Variants in BICRA observed in about 807,000 individuals in gnomAD.
BICRA encodes BRD4-interacting chromatin-remodeling complex-associated protein.
In BICRA, 31 loss-of-function variants were observed where a neutral mutation model predicts 96.9. That is an observed-to-expected ratio of 0.32 (90% CI 0.24 to 0.43). The LOEUF (loss-of-function observed/expected upper bound fraction) is 0.43, where lower values mean the gene tolerates loss of function less well. BICRA is among the 20% of genes least tolerant of loss of function. The probability of loss-of-function intolerance (pLI) is 1.00; values close to 1 mark genes in which losing one functional copy is unlikely to be tolerated. For synonymous variants in BICRA, 1,350 were observed against 1,071.8 expected (o/e 1.26, Z -5.07); for missense variants, 2,283 against 2,190.3 (o/e 1.04, Z -0.84).
intron 1 of BICRA, among the ~76,000 whole-genome samples, chr19:47,669,781 C>T (rs1406891099): frequency 6.6e-6 from 1 of 152,004 alleles, no homozygotes; most frequent in African/African-American, 2.4e-5. Flanking sequence ...CTCAGCCTCC[C>T]GAGTAGCTGG....
At chr19:47,658,631 CAAAAAAAAAA>C (rs3074083) in intron 1 of BICRA, among the ~76,000 whole-genome samples, 35 of 97,430 alleles carry the variant, frequency 3.6e-4, no homozygotes, top group Non-Finnish European at 4.1e-4. Flanking sequence ...GACTTCGTCT[CAAAAAAAAAA>C]AAAAAAAAAA....
At chr19:47,668,738 C>T (rs148096173) in intron 1 of BICRA, among the ~76,000 whole-genome samples, 330 of 152,176 alleles carry the variant, frequency 2.2e-3, no homozygotes, top group African/African-American at 7.4e-3. Context: ...GTGATTTGCC[C>T]GCCTCAGCAT....
intron 1 of BICRA, among the ~76,000 whole-genome samples, chr19:47,621,201 A>G (rs1256749370): frequency 1.3e-5 from 2 of 152,126 alleles, no homozygotes; most frequent in Non-Finnish European, 2.9e-5. Context: ...CTAAGCAGCC[A>G]TCAGTTGTAA....
chr19:47,695,505 A>G (rs1973326152), intron 10 of BICRA, 31 bp downstream of exon 10: 1 of 1,020,244 alleles, frequency 9.8e-7, no homozygotes, highest in Non-Finnish European at 1.5e-6. Context: ...GGGTCAGGAC[A>G]GGACCAGGAG....
rs778886863 is a variant in BICRA, at chr19:47,679,606, G to A, written c.436G>A (p.Ala146Thr). Reference sequence around the variant, plus strand: ...GGATGGCGGGGCAGGCCCGACGGGCGCTGGAGGGGCAGCGGCCGTGGCTGC... The same window carrying A: ...GGATGGCGGGGCAGGCCCGACGGGCACTGGAGGGGCAGCGGCCGTGGCTGC... ...PADGGAGPTG[A>T]GGAAAVAAGP... The change falls in exon 6 of 15, where the codon GCT becomes ACT. Residue 146 changes from alanine to threonine, a missense_variant. Physicochemically the swap from Ala to Thr is moderately conservative, Grantham distance 58. Transcript: ENST00000594866. 11 of 1,526,250 alleles carry A rather than the reference G, an allele frequency of 7.2e-6. No individual in the cohort carries two copies. Among genetic ancestry groups the A allele is most frequent in the African/African-American group, 6.9e-5 (5 of 72,138 alleles). The allele number at this position is 1,526,250 out of a possible 1,614,324, so 94.5% of individuals were successfully genotyped here.
intron 1 of BICRA, among the ~76,000 whole-genome samples, chr19:47,634,756 ATT>A (rs57492096): frequency 2.6e-4 from 31 of 120,262 alleles, no homozygotes; most frequent in East Asian, 4.7e-4. Context: ...TTAAAATTAA[ATT>A]TTTTTTTTTT....
At chr19:47,624,809 T>G (rs1972116279) in intron 1 of BICRA, among the ~76,000 whole-genome samples, 1 of 151,594 alleles carries the variant, frequency 6.6e-6, no homozygotes. Flanking sequence ...TCCTCCAACC[T>G]CAGCTACCCG....
intron 7 of BICRA, among the ~76,000 whole-genome samples, chr19:47,688,415 G>T (rs907141747): frequency 1.3e-5 from 2 of 152,106 alleles, no homozygotes; most frequent in Admixed American, 1.3e-4. Context: ...TGCTCATTTA[G>T]AGAATGTAGA....
At chr19:47,656,835 T>C (rs1215825676) in intron 1 of BICRA, among the ~76,000 whole-genome samples, 2 of 152,064 alleles carry the variant, frequency 1.3e-5, no homozygotes, top group African/African-American at 4.8e-5. Context: ...TTTCCCCCAC[T>C]ATAAATCAGT....
chr19:47,701,332 G>C lies in BICRA; in HGVS notation c.3600G>C (p.Glu1200Asp). The C allele has an allele frequency of 1.2e-6, 2 of 1,609,728 alleles. No individual in the cohort carries two copies. The highest frequency in any genetic ancestry group is 1.7e-6 in the Non-Finnish European group (2 of 1,178,680). The change falls in exon 15 of 15, where the codon GAG becomes GAC. Residue 1200 changes from glutamate (E) to aspartate (D), a missense_variant. Coordinates refer to ENST00000594866, the MANE Select transcript of BICRA (RefSeq NM_001394372.1). This position sits in a 1 kb window ranked among gnomAD's most constrained non-coding sequence, Gnocchi z 5.4. ...TTCTTTGCCCCGATTCTGCAGACGA[G>C]TACGTGTCTTCCTCCCGCTCGCTCG... ...DKQLAKEKPD[E>D]YVSSSRSLGL...
chr19:47,627,232 A>G (rs188670080), intron 1 of BICRA, among the ~76,000 whole-genome samples: 149 of 152,178 alleles, frequency 9.8e-4, no homozygotes, highest in Admixed American at 3.3e-3. Context: ...TCAGAGAGCA[A>G]TATGTTCCTG....
intron 14 of BICRA, chr19:47,700,720 G>A (rs1047167303): frequency 2.0e-5 from 3 of 152,202 alleles, no homozygotes; most frequent in African/African-American, 7.3e-5. Flanking sequence ...CTTGAACCCA[G>A]GAGGCGGAGG....
intron 1 of BICRA, among the ~76,000 whole-genome samples, chr19:47,634,739 C>G (rs1171204003): frequency 6.6e-6 from 1 of 151,252 alleles, no homozygotes; most frequent in Non-Finnish European, 1.5e-5. Context: ...CAACTCTCTT[C>G]TCTCTCTTAA....
rs1342728146 is a variant in BICRA, at chr19:47,702,615, G to T, written c.*200G>T. The T allele has an allele frequency of 3.5e-6, 2 of 576,954 alleles. No homozygotes were observed. The highest frequency in any genetic ancestry group is 5.7e-6 in the Non-Finnish European group (2 of 348,708). 35.7% of individuals were successfully genotyped at this position (576,954 alleles called of 1,614,324 possible). A position where few individuals can be genotyped will look rare whatever the true frequency, so the allele number is the denominator to read the frequency against. On this transcript the variant is annotated 3_prime_UTR_variant, in exon 15 of 15. Coordinates refer to ENST00000594866, the MANE Select transcript of BICRA (RefSeq NM_001394372.1). ...GGGGGTGGGCGTGGATTTAGGGAGG[G>T]GGCTGTGATGTAAAACGTCTCCCCT... is the stretch of plus-strand genomic sequence containing the variant.
chr19:47,640,532 GAA>G lies in BICRA; in HGVS notation c.-107-29894_-107-29893del, dbSNP rs11292760. 7.1e-3 allele frequency among the ~76,000 whole-genome samples: 783 copies of G among 110,438 alleles called. 3 individuals carry two copies. Among genetic ancestry groups the G allele is most frequent in the Middle Eastern group, 0.026 (6 of 228 alleles). 72.5% of individuals were successfully genotyped at this position (110,438 alleles called of 152,430 possible). A position where few individuals can be genotyped will look rare whatever the true frequency, so the allele number is the denominator to read the frequency against. On this transcript the variant is annotated intron_variant, in intron 1 of 14. Transcript: ENST00000594866. ...GAGACAGAGTGAGACTGTCTCAAAA[GAA>G]AAAAAAAAAAAAAAAATCCCTGCCT...
intron 7 of BICRA, among the ~76,000 whole-genome samples, chr19:47,684,090 C>T (rs1973108783): frequency 6.6e-6 from 1 of 152,200 alleles, no homozygotes; most frequent in South Asian, 2.1e-4. Context: ...CAGCAGGTGC[C>T]TAGGCAGGCT....
intron 1 of BICRA, among the ~76,000 whole-genome samples, chr19:47,633,089 T>TA (rs1568551697): frequency 2.1e-5 from 3 of 144,758 alleles, no homozygotes; most frequent in Admixed American, 6.9e-5. Context: ...TCTTTTTTTT[T>TA]TTTTTTTTTT....
At chr19:47,644,309 G>A (rs1369959585) in intron 1 of BICRA, among the ~76,000 whole-genome samples, 1 of 151,972 alleles carries the variant, frequency 6.6e-6, no homozygotes, top group Non-Finnish European at 1.5e-5. Context: ...ACAGGTGTGA[G>A]CCACTGCACC....
chr19:47,685,235 C>G (rs1193345222), intron 7 of BICRA, among the ~76,000 whole-genome samples: 1 of 152,080 alleles, frequency 6.6e-6, no homozygotes. Context: ...ATCCTCCCAC[C>G]TTGGCTTCTC....
Sources: gnomAD v4.1 joint callset for allele counts (sites outside exome capture counted in the v4.1 genomes callset) on GRCh38, gnomAD v4.1.1 for gene constraint, Gnocchi (gnomAD v3.1) non-coding constraint, MANE v1.5 for transcripts, NCBI Gene and HGNC (gene_info 2026-07-23, HGNC 2026-07-21) for gene names.